The following RNFT2 variants were observed in gnomAD, a reference collection of about 807,000 sequenced individuals.
The protein encoded by RNFT2 is ring finger protein, transmembrane 2.
Under a neutral mutation model 53.0 loss-of-function variants are expected in RNFT2, and 36 were observed. That is an observed-to-expected ratio of 0.68 (90% CI 0.52 to 0.90). The LOEUF is 0.90. RNFT2 is among the 40% of genes least tolerant of loss of function. The probability of loss-of-function intolerance (pLI) is 0.00; values close to 1 mark genes in which losing one functional copy is unlikely to be tolerated. For synonymous variants in RNFT2, 260 were observed against 253.2 expected (o/e 1.03, Z -0.26); for missense variants, 514 against 585.6 (o/e 0.88, Z 1.26).
At chr12:116,793,403 G>C (rs1566083077) in intron 7 of RNFT2, among the ~76,000 whole-genome samples, 1 of 151,900 alleles carries the variant, frequency 6.6e-6, no homozygotes, top group Admixed American at 6.6e-5. Flanking sequence ...CCCCAGGCTG[G>C]TCTCGAACTC....
Position 116,785,212 on chromosome 12 carries a change from A to T in RNFT2, c.882+5864A>T, listed in dbSNP as rs552371230. 6.3e-5 allele frequency among the ~76,000 whole-genome samples: 9 copies of T among 142,300 alleles called. No homozygotes were observed. The East Asian group carries it at 1.6e-3, about 26-fold the overall frequency. 93.4% of individuals were successfully genotyped at this position (142,300 alleles called of 152,430 possible). ...CAGAAGTCTCTTCTAGATCCCCCTAAGTCCAGTTCTTTCATAGCATTTGTG... is the reference window on the plus strand; with the variant it reads ...CAGAAGTCTCTTCTAGATCCCCCTATGTCCAGTTCTTTCATAGCATTTGTG... On this transcript the variant is annotated intron_variant, in intron 7 of 10. Coordinates refer to ENST00000257575, the MANE Select transcript of RNFT2 (RefSeq NM_001382266.1).
intron 7 of RNFT2, among the ~76,000 whole-genome samples, chr12:116,806,305 G>A (rs1045411233): frequency 1.3e-5 from 2 of 151,656 alleles, no homozygotes; most frequent in Non-Finnish European, 2.9e-5. Context: ...GGGAGGTGGA[G>A]GTTGCAGTGA....
chr12:116,739,793 CAG>C (rs1871512075), intron 1 of RNFT2, among the ~76,000 whole-genome samples: 1 of 152,238 alleles, frequency 6.6e-6, no homozygotes, highest in Admixed American at 6.5e-5. Context: ...AGGCTATGGA[CAG>C]AGCTCGGGTT....
At chr12:116,831,980 A>T (rs1225966336) in intron 7 of RNFT2, among the ~76,000 whole-genome samples, 1 of 151,282 alleles carries the variant, frequency 6.6e-6, no homozygotes, top group African/African-American at 2.4e-5. Context: ...AATACAAAAA[A>T]ATTAGCCAGG....
chr12:116,805,305 C>G (rs918579124), intron 7 of RNFT2, among the ~76,000 whole-genome samples: 1 of 151,862 alleles, frequency 6.6e-6, no homozygotes, highest in Non-Finnish European at 1.5e-5. Flanking sequence ...CTCTAGGATG[C>G]CTGTAACAGA....
chr12:116,794,432 T>A (rs1489641685), intron 7 of RNFT2, among the ~76,000 whole-genome samples: 1 of 151,022 alleles, frequency 6.6e-6, no homozygotes, highest in East Asian at 2.0e-4. Flanking sequence ...ATCCTGTCTC[T>A]ACTAAAAACA....
chr12:116,792,698 TG>T (rs1874311531), intron 7 of RNFT2, among the ~76,000 whole-genome samples: 1 of 152,106 alleles, frequency 6.6e-6, no homozygotes, highest in Non-Finnish European at 1.5e-5. Flanking sequence ...AGCCTTCCCT[TG>T]CCTGTCTGAG....
Position 116,750,159 on chromosome 12 carries a change from C to T in RNFT2, c.402C>T (p.His134=), listed in dbSNP as rs1872117848. The T allele has an allele frequency of 1.9e-6, 3 of 1,590,126 alleles. No homozygotes were observed. The highest frequency in any genetic ancestry group is 2.6e-6 in the Non-Finnish European group (3 of 1,173,924). The change falls in exon 4 of 11, where the codon CAC becomes CAT. Residue 134 remains histidine, a synonymous_variant. Transcript: ENST00000257575. Reference sequence around the variant, plus strand: ...TGCTGCAGCACGTGGGTGGGGACCACCGGGGGCACTCGGAGGAGGGAGGCG... The same window carrying T: ...TGCTGCAGCACGTGGGTGGGGACCATCGGGGGCACTCGGAGGAGGGAGGCG... The part of the protein sequence containing the change: ...GSLLQHVGGD[H]RGHSEEGGDE...
At chr12:116,759,152 C>T (rs1487812983) in intron 5 of RNFT2, among the ~76,000 whole-genome samples, 10 of 152,030 alleles carry the variant, frequency 6.6e-5, no homozygotes, top group East Asian at 1.9e-4. Context: ...ATTCTATTGC[C>T]GAGACTTTCC....
chr12:116,829,930 G>A (rs1876552259), intron 7 of RNFT2, among the ~76,000 whole-genome samples: 1 of 151,866 alleles, frequency 6.6e-6, no homozygotes, highest in South Asian at 2.1e-4. Context: ...TAAAAAATCT[G>A]GAGAGAGCAT....
chr12:116,756,193 A>C (rs988354030), intron 5 of RNFT2, among the ~76,000 whole-genome samples: 1 of 152,124 alleles, frequency 6.6e-6, no homozygotes, highest in Non-Finnish European at 1.5e-5. Flanking sequence ...CTACCCATTC[A>C]TGAGCATGGG....
chr12:116,820,881 G>A (rs545047454), intron 7 of RNFT2, among the ~76,000 whole-genome samples: 2 of 152,184 alleles, frequency 1.3e-5, no homozygotes, highest in Admixed American at 6.5e-5. Context: ...GTGTTCAACC[G>A]AGAAACTCAT....
intron 5 of RNFT2, among the ~76,000 whole-genome samples, chr12:116,764,424 C>G (rs1872821994): frequency 1.3e-5 from 2 of 152,170 alleles, no homozygotes; most frequent in Admixed American, 1.3e-4. Context: ...ACTGACCCTT[C>G]TATAGCATCG....
intron 4 of RNFT2, among the ~76,000 whole-genome samples, chr12:116,752,343 G>A (rs992285294): frequency 2.0e-5 from 3 of 152,164 alleles, no homozygotes; most frequent in African/African-American, 4.8e-5. Context: ...ATTCCTAGAA[G>A]TGAAAGCTGG....
At chr12:116,842,132 ATTCCG>A (rs1565876377) in intron 10 of RNFT2, among the ~76,000 whole-genome samples, 1 of 150,682 alleles carries the variant, frequency 6.6e-6, no homozygotes, top group Non-Finnish European at 1.5e-5. Flanking sequence ...TGCTGGTAGG[ATTCCG>A]TTCCTAATGG....
intron 7 of RNFT2, among the ~76,000 whole-genome samples, chr12:116,797,142 C>T (rs1293343124): frequency 6.6e-6 from 1 of 152,224 alleles, no homozygotes; most frequent in Non-Finnish European, 1.5e-5. Context: ...ACTGGGTCAG[C>T]TCCCCAAATG....
chr12:116,805,725 C>G (rs1875015262), intron 7 of RNFT2, among the ~76,000 whole-genome samples: 1 of 152,180 alleles, frequency 6.6e-6, no homozygotes, highest in Non-Finnish European at 1.5e-5. Flanking sequence ...CTGCCTGTCT[C>G]GGCTTCCCAA....
chr12:116,761,672 CA>C (rs1451880499), intron 5 of RNFT2, among the ~76,000 whole-genome samples: 2 of 152,180 alleles, frequency 1.3e-5, no homozygotes, highest in Admixed American at 6.5e-5. Context: ...ACTGAGGAAA[CA>C]GTGGCTCAGA....
chr12:116,789,329 G>A (rs894633820), intron 7 of RNFT2, among the ~76,000 whole-genome samples: 16 of 149,944 alleles, frequency 1.1e-4, no homozygotes, highest in African/African-American at 3.4e-4. Flanking sequence ...ATGGATGGAT[G>A]GGTAAATGGA....
Sources: gnomAD v4.1 joint callset for allele counts (sites outside exome capture counted in the v4.1 genomes callset) on GRCh38, gnomAD v4.1.1 for gene constraint, MANE v1.5 for transcripts, NCBI Gene and HGNC (gene_info 2026-07-23, HGNC 2026-07-21) for gene names.